The following SPSB4 variants were observed in gnomAD, a reference collection of about 807,000 sequenced individuals.
SPSB4 encodes the protein splA/ryanodine receptor domain and SOCS box containing 4, also known as SPRY domain-containing SOCS box protein 4.
Under a neutral mutation model 20.9 loss-of-function variants are expected in SPSB4, and 21 were observed. That is an observed-to-expected ratio of 1.01 (90% CI 0.71 to 1.45). The LOEUF is 1.45. Among genes scored for constraint, SPSB4 ranks in the 40% most tolerant of loss-of-function variants. The pLI is 0.00. For missense variants in SPSB4, 399 were observed against 399.2 expected, an observed-to-expected ratio of 1.00 and a Z score of 0.00; for synonymous variants, 207 against 183.8, an observed-to-expected ratio of 1.13 and a Z score of -1.02.
chr3:141,103,437 G>C (rs1290635502), intron 2 of SPSB4, among the ~76,000 whole-genome samples: 1 of 152,146 alleles, frequency 6.6e-6, no homozygotes, highest in Non-Finnish European at 1.5e-5. Context: ...ACACACTTTT[G>C]GTGCCCTCAG....
intron 2 of SPSB4, among the ~76,000 whole-genome samples, chr3:141,110,740 A>T (rs1331158432): frequency 6.6e-6 from 1 of 152,232 alleles, no homozygotes; most frequent in African/African-American, 2.4e-5. Flanking sequence ...AGTAACACAC[A>T]TCACTTCTGC....
chr3:141,119,032 C>CA (rs1938923117), intron 2 of SPSB4, among the ~76,000 whole-genome samples: 2 of 152,174 alleles, frequency 1.3e-5, no homozygotes, highest in South Asian at 4.1e-4. Flanking sequence ...TGAAGAAAGT[C>CA]ATTGGCAGCT....
chr3:141,066,208 C>T lies in SPSB4; in HGVS notation c.104C>T (p.Ala35Val), dbSNP rs1043710898. The change falls in exon 2 of 3, where the codon GCG becomes GTG. Residue 35 changes from alanine (A) to valine (V), a missense_variant. Transcript: ENST00000310546. Reference sequence around the variant, plus strand: ...CGGGGTGCAGAGCCCGGGCGGCCGGCGCGGCTGGACCAGCTGTTGGACATG... The same window carrying T: ...CGGGGTGCAGAGCCCGGGCGGCCGGTGCGGCTGGACCAGCTGTTGGACATG... ...ELRGAEPGRP[A>V]RLDQLLDMPA... The T allele has an allele frequency of 2.0e-6, 3 of 1,533,472 alleles. No individual in the cohort carries two copies. Among genetic ancestry groups the T allele is most frequent in the Non-Finnish European group, 1.8e-6 (2 of 1,142,096 alleles). The allele number at this position is 1,533,472 out of a possible 1,614,324, so 95.0% of individuals were successfully genotyped here.
At chr3:141,102,617 C>G (rs995093162) in intron 2 of SPSB4, among the ~76,000 whole-genome samples, 1 of 152,104 alleles carries the variant, frequency 6.6e-6, no homozygotes, top group Non-Finnish European at 1.5e-5. Context: ...TTTAAGAACT[C>G]AGGTGGCAGG....
chr3:141,119,564 G>T (rs936217702), intron 2 of SPSB4, among the ~76,000 whole-genome samples: 8 of 152,190 alleles, frequency 5.3e-5, no homozygotes, highest in African/African-American at 1.9e-4. Context: ...TCCCTGTCTT[G>T]TGCCGGTTTT....
At chr3:141,096,199 G>A (rs560875949) in intron 2 of SPSB4, among the ~76,000 whole-genome samples, 54 of 152,170 alleles carry the variant, frequency 3.5e-4, no homozygotes, top group Admixed American at 2.3e-3. Flanking sequence ...CCTAGAATGC[G>A]ACAACCACCC....
At chr3:141,145,519 A>G (rs1373500902) in intron 2 of SPSB4, among the ~76,000 whole-genome samples, 1 of 152,224 alleles carries the variant, frequency 6.6e-6, no homozygotes, top group African/African-American at 2.4e-5. Context: ...TGAAAGCTGC[A>G]GGCCTCGGGT....
At chr3:141,075,008 G>A (rs1938078908) in intron 2 of SPSB4, among the ~76,000 whole-genome samples, 1 of 152,122 alleles carries the variant, frequency 6.6e-6, no homozygotes. Context: ...CAGAGAGCTG[G>A]GAGGCTTTGC....
intron 2 of SPSB4, among the ~76,000 whole-genome samples, chr3:141,116,665 T>A (rs1275108814): frequency 6.6e-6 from 1 of 152,216 alleles, no homozygotes; most frequent in Non-Finnish European, 1.5e-5. Flanking sequence ...AGTAACTACC[T>A]CATTGGGTTG....
intron 2 of SPSB4, among the ~76,000 whole-genome samples, chr3:141,110,099 T>C (rs1268052726): frequency 2.0e-5 from 3 of 152,200 alleles, no homozygotes; most frequent in Non-Finnish European, 4.4e-5. Context: ...TTTGCAGCCC[T>C]GCCTTTGGGG....
At chr3:141,136,059 A>C (rs1472813379) in intron 2 of SPSB4, among the ~76,000 whole-genome samples, 1 of 151,928 alleles carries the variant, frequency 6.6e-6, no homozygotes, top group African/African-American at 2.4e-5. Flanking sequence ...ATGGTATCTC[A>C]TTGTGGTTTT....
chr3:141,088,264 T>C (rs1052842609), intron 2 of SPSB4, among the ~76,000 whole-genome samples: 29 of 152,216 alleles, frequency 1.9e-4, no homozygotes, highest in African/African-American at 7.0e-4. Flanking sequence ...CAGTTAAATG[T>C]ACTGCGTACA....
intron 2 of SPSB4, among the ~76,000 whole-genome samples, chr3:141,096,067 G>A (rs757418084): frequency 3.6e-4 from 55 of 152,138 alleles, no homozygotes; most frequent in Non-Finnish European, 6.8e-4. Context: ...AGCCAGGAAG[G>A]GACCAGTTGG....
chr3:141,083,780 G>T (rs943446598), intron 2 of SPSB4, among the ~76,000 whole-genome samples: 1 of 152,104 alleles, frequency 6.6e-6, no homozygotes, highest in Admixed American at 6.5e-5. Flanking sequence ...CATTTGCGGT[G>T]GTGAAGGGGG....
intron 2 of SPSB4, among the ~76,000 whole-genome samples, chr3:141,112,693 A>G (rs1465276154): frequency 6.6e-6 from 1 of 150,720 alleles, no homozygotes; most frequent in Admixed American, 6.6e-5. Flanking sequence ...TTGTTCAACT[A>G]AATTCATGGA....
chr3:141,136,584 G>T (rs1361439704), intron 2 of SPSB4, among the ~76,000 whole-genome samples: 1 of 152,074 alleles, frequency 6.6e-6, no homozygotes, highest in Non-Finnish European at 1.5e-5. Context: ...CAGCACCATT[G>T]ATTAAATAGG....
chr3:141,122,177 A>C (rs1938977794), intron 2 of SPSB4, among the ~76,000 whole-genome samples: 1 of 152,176 alleles, frequency 6.6e-6, no homozygotes, highest in African/African-American at 2.4e-5. Flanking sequence ...TGGGCCTCTC[A>C]GATGCAGGTC....
chr3:141,082,984 G>T (rs1938268208), intron 2 of SPSB4, among the ~76,000 whole-genome samples: 1 of 152,042 alleles, frequency 6.6e-6, no homozygotes, highest in African/African-American at 2.4e-5. Flanking sequence ...TTAAGGCCAG[G>T]TTTTGCTGAG....
intron 2 of SPSB4, among the ~76,000 whole-genome samples, chr3:141,129,856 T>G (rs762424589): frequency 1.1e-3 from 164 of 152,378 alleles, no homozygotes; most frequent in Middle Eastern, 3.4e-3. Flanking sequence ...GCAACACTCC[T>G]CTGCACAAGA....
Sources: allele counts gnomAD v4.1 joint callset (sites outside exome capture counted in the v4.1 genomes callset), GRCh38; gene constraint gnomAD v4.1.1; transcripts MANE v1.5; gene names NCBI Gene and HGNC (gene_info 2026-07-23, HGNC 2026-07-21).